Variants in AMMECR1L observed in about 807,000 individuals in gnomAD.
AMMECR1L encodes AMMECR1-like protein.
A neutral mutation model predicts 36.8 loss-of-function variants in AMMECR1L; 4 were observed. The observed-to-expected ratio is 0.11, with a 90% CI of 0.05 to 0.25. AMMECR1L has a LOEUF of 0.25. Ranked by LOEUF, AMMECR1L falls within the 10% of genes least tolerant of loss-of-function variation. The pLI is 1.00. For synonymous variants in AMMECR1L, 147 were observed against 148.0 expected, an observed-to-expected ratio of 0.99 and a Z score of 0.05; for missense variants, 232 against 392.1, an observed-to-expected ratio of 0.59 and a Z score of 3.45.
intron 3 of AMMECR1L, among the ~76,000 whole-genome samples, chr2:127,872,339 G>A (rs930650626): frequency 3.3e-5 from 5 of 151,964 alleles, no homozygotes; most frequent in Non-Finnish European, 7.4e-5. Flanking sequence ...GAGCCACCGC[G>A]CCCAGCCAAG....
intron 6 of AMMECR1L, chr2:127,867,284 G>C: frequency 1.0e-6 from 1 of 985,450 alleles, no homozygotes; most frequent in Non-Finnish European, 1.2e-6. Flanking sequence ...AATTATCTAG[G>C]AACAAACATG....
At position 127,862,802 on chromosome 2, in the gene AMMECR1L, C is replaced by T. The variant is rs1006904485; in HGVS notation, c.*2292G>A. On this transcript the variant is annotated 3_prime_UTR_variant, in exon 8 of 8. Transcript: ENST00000272647. Reference sequence around the variant, plus strand: ...TCTTGTGCACTGATTTTTTTTTCCCCATTTCTCGGGTTTTAAAATTTTCTA... The same window carrying T: ...TCTTGTGCACTGATTTTTTTTTCCCTATTTCTCGGGTTTTAAAATTTTCTA... 2 of 152,276 alleles carry T rather than the reference C, an allele frequency of 1.3e-5. No homozygotes were observed. The highest frequency in any genetic ancestry group is 6.5e-5 in the Admixed American group (1 of 15,268). The allele number at this position is 152,276 out of a possible 1,614,324, so 9.4% of individuals were successfully genotyped here.
Position 127,869,499 on chromosome 2 carries a change from C to T in AMMECR1L, c.679G>A (p.Val227Ile). Residue 227 changes from valine (V) to isoleucine (I), a missense_variant, in exon 6 of 8, where the codon GTC becomes ATC. Physicochemically the swap from Val to Ile is conservative, Grantham distance 29. This residue lies in a region of AMMECR1L where 83 missense variants were observed against 229.5 expected (regional missense o/e 0.36). Transcript: ENST00000272647. The surrounding 1 kb of genome is among the most constrained non-coding windows in gnomAD (Gnocchi z 4.7). ...GGTAAATATGTGGCTGTGCGTTTGA[C>T]ACCTTTTTCATTAATGAATTCAATT... The part of the protein sequence containing the change: ...IRIEFINEKG[V>I]KRTATYLPEV... 1.2e-6 allele frequency: 2 copies of T among 1,614,158 alleles called. No homozygotes were observed. The highest frequency in any genetic ancestry group is 1.7e-6 in the Non-Finnish European group (2 of 1,179,996).
chr2:127,885,456 G>A, intron 1 of AMMECR1L: 1 of 981,596 alleles, frequency 1.0e-6, no homozygotes, highest in Non-Finnish European at 1.2e-6. Context: ...CCACCAGGCG[G>A]CGCCGGAGAC....
At chr2:127,872,075 G>C (rs1248691485) in intron 3 of AMMECR1L, among the ~76,000 whole-genome samples, 2 of 151,708 alleles carry the variant, frequency 1.3e-5, no homozygotes, top group East Asian at 1.9e-4. Context: ...TGTAATCTCA[G>C]CTACTCGGGA....
At chr2:127,867,061 G>A (rs1690718706) in intron 6 of AMMECR1L, 65 bp from the exon 7 acceptor site, 1 of 1,603,440 alleles carries the variant, frequency 6.2e-7, no homozygotes, top group Non-Finnish European at 8.5e-7. Context: ...CTCTCACATG[G>A]CCCGTGCAAG....
chr2:127,873,964 G>A lies in AMMECR1L; in HGVS notation c.271C>T (p.Arg91Trp), dbSNP rs773853713. Reference sequence around the variant, plus strand: ...GTGGTGTTGGCAGTTCCATTAGGCCGGGGAAGAGGGCTCAGCGCTCCCGAT... The same window carrying A: ...GTGGTGTTGGCAGTTCCATTAGGCCAGGGAAGAGGGCTCAGCGCTCCCGAT... ...PASGALSPLP[R>W]PNGTANTTKN... Residue 91 changes from arginine to tryptophan, a missense_variant, in exon 3 of 8, where the codon CGG becomes TGG. Coordinates refer to ENST00000272647, the MANE Select transcript of AMMECR1L (RefSeq NM_001199140.2). This position sits in a 1 kb window ranked among gnomAD's most constrained non-coding sequence, Gnocchi z 5.2. 22 of 1,614,114 alleles carry A rather than the reference G, an allele frequency of 1.4e-5. No individual in the cohort carries two copies. The highest frequency in any genetic ancestry group is 1.6e-4 in the Middle Eastern group (1 of 6,084).
At chr2:127,866,053 T>G (rs901844603) in intron 7 of AMMECR1L, among the ~76,000 whole-genome samples, 11 of 152,224 alleles carry the variant, frequency 7.2e-5, no homozygotes, top group Non-Finnish European at 8.8e-5. Flanking sequence ...TTTTAAAAAT[T>G]TTTGGAATCC....
chr2:127,885,258 G>C (rs1691709346), intron 1 of AMMECR1L: 1 of 983,746 alleles, frequency 1.0e-6, no homozygotes, highest in African/African-American at 1.8e-5. Flanking sequence ...GAGCGGGGAG[G>C]GGAAAAGCGG....
At chr2:127,882,423 A>G (rs1036771266) in intron 2 of AMMECR1L, among the ~76,000 whole-genome samples, 12 of 152,244 alleles carry the variant, frequency 7.9e-5, no homozygotes, top group Non-Finnish European at 1.3e-4. Context: ...CACCTGAGCT[A>G]TAATTCTGTC....
chr2:127,867,445 T>C (rs1028203643), intron 6 of AMMECR1L, among the ~76,000 whole-genome samples: 7 of 152,108 alleles, frequency 4.6e-5, no homozygotes, highest in African/African-American at 1.4e-4. Context: ...TGGTAAAAAA[T>C]TGACAGTGAG....
intron 2 of AMMECR1L, among the ~76,000 whole-genome samples, chr2:127,883,191 G>C (rs1216433043): frequency 6.6e-6 from 1 of 151,164 alleles, no homozygotes; most frequent in African/African-American, 2.4e-5. Flanking sequence ...CCACCTCCCG[G>C]GTTCAAGCGA....
At chr2:127,885,689 C>G (rs1294049063) in intron 1 of AMMECR1L, 121 bp downstream of exon 1, 2 of 983,006 alleles carry the variant, frequency 2.0e-6, no homozygotes, top group Admixed American at 6.2e-5. Context: ...ACCGCGGGGT[C>G]TCTTCCCGGC....
rs531506466 is a variant in AMMECR1L, at chr2:127,871,539, G to A, written c.408-180C>T. Among the ~76,000 whole-genome samples, 94 of 152,240 alleles carry A rather than the reference G, an allele frequency of 6.2e-4. No homozygotes were observed. Among genetic ancestry groups the A allele is most frequent in the African/African-American group, 2.0e-3 (84 of 41,554 alleles). On this transcript the variant is annotated intron_variant, in intron 3 of 7. Transcript: ENST00000272647. This position sits in a 1 kb window ranked among gnomAD's most constrained non-coding sequence, Gnocchi z 4.3. ...AACGGCACAGCCCCTGGCTGGAAAC[G>A]GGAAACCTACAAGGCAGCATAAGGA... is the stretch of plus-strand genomic sequence containing the variant.
At position 127,871,329 on chromosome 2, in the gene AMMECR1L, C is replaced by T. The variant is rs770853284; in HGVS notation, c.438G>A (p.Arg146=). The T allele has an allele frequency of 1.2e-6, 2 of 1,613,942 alleles. No homozygotes were observed. Among genetic ancestry groups the T allele is most frequent in the East Asian group, 2.2e-5 (1 of 44,888 alleles). ...YPLFVTWKTG[R]DKRLRGCIGT... ...CAATGCAGCCACGAAGCCGCTTGTC[C>T]CGCCCTGTCTTCCACGTCACAAAGA... The change falls in exon 4 of 8, where the codon CGG becomes CGA. Residue 146 remains arginine (R), a synonymous_variant. Coordinates refer to ENST00000272647, the MANE Select transcript of AMMECR1L (RefSeq NM_001199140.2). The surrounding 1 kb of genome is among the most constrained non-coding windows in gnomAD (Gnocchi z 4.3).
At chr2:127,878,350 G>A (rs1236206920) in intron 2 of AMMECR1L, among the ~76,000 whole-genome samples, 2 of 152,168 alleles carry the variant, frequency 1.3e-5, no homozygotes, top group African/African-American at 4.8e-5. Flanking sequence ...CATTCCCAGA[G>A]AGCTGGTGTT....
At position 127,873,152 on chromosome 2, in the gene AMMECR1L, T is replaced by C. The variant is rs552490878; in HGVS notation, c.407+676A>G. The C allele has an allele frequency of 9.1e-6, 9 of 985,288 alleles. No individual in the cohort carries two copies. In the South Asian group the frequency reaches 3.8e-4, roughly 41 times the overall value. The allele number at this position is 985,288 out of a possible 1,614,324, so 61.0% of individuals were successfully genotyped here. A position where few individuals can be genotyped will look rare whatever the true frequency, so the allele number is the denominator to read the frequency against. On this transcript the variant is annotated intron_variant, in intron 3 of 7. Coordinates refer to ENST00000272647, the MANE Select transcript of AMMECR1L (RefSeq NM_001199140.2). This position sits in a 1 kb window ranked among gnomAD's most constrained non-coding sequence, Gnocchi z 5.2. ...CAAAACAAAAATAAAAAAACAGCAA[T>C]GCTCTTCAAAGCCAGCTCAGAGCGG...
rs182848564 is a variant in AMMECR1L, at chr2:127,862,271, T to C, written c.*2823A>G. The C allele has an allele frequency of 1.1e-4, 17 of 153,864 alleles. No homozygotes were observed. Among genetic ancestry groups the C allele is most frequent in the African/African-American group, 3.9e-4 (16 of 41,550 alleles). The allele number at this position is 153,864 out of a possible 1,614,324, so 9.5% of individuals were successfully genotyped here. A position where few individuals can be genotyped will look rare whatever the true frequency, so the allele number is the denominator to read the frequency against. ...AAATTGGGCTGGTCCTTGAAAACAG[T>C]GGTTACCTACTGTCCAGCTCGAGCA... On this transcript the variant is annotated 3_prime_UTR_variant, in exon 8 of 8. Coordinates refer to ENST00000272647, the MANE Select transcript of AMMECR1L (RefSeq NM_001199140.2).
In AMMECR1L at chr2:127,862,946, C is replaced by G. The variant is rs1690530270; in HGVS notation, c.*2148G>C. 1 of 152,616 alleles carries G rather than the reference C, an allele frequency of 6.6e-6. No homozygotes were observed. The highest frequency in any genetic ancestry group is 6.5e-5 in the Admixed American group (1 of 15,280). 9.5% of individuals were successfully genotyped at this position (152,616 alleles called of 1,614,324 possible). On this transcript the variant is annotated 3_prime_UTR_variant, in exon 8 of 8. Coordinates refer to ENST00000272647, the MANE Select transcript of AMMECR1L (RefSeq NM_001199140.2). Reference sequence around the variant, plus strand: ...GGAGAAGACAAATAGGGCAACATTTCTACAAGAAAAAATCGGCTTGAGGAG... The same window carrying G: ...GGAGAAGACAAATAGGGCAACATTTGTACAAGAAAAAATCGGCTTGAGGAG...
Sources: gnomAD v4.1 joint callset for allele counts (sites outside exome capture counted in the v4.1 genomes callset) on GRCh38, gnomAD v4.1.1 for gene constraint, gnomAD v4.1.1 regional missense constraint, Gnocchi (gnomAD v3.1) non-coding constraint, MANE v1.5 for transcripts, NCBI Gene and HGNC (gene_info 2026-07-23, HGNC 2026-07-21) for gene names.